Variants in ARK2C observed in about 807,000 individuals in gnomAD.
ARK2C encodes the protein arkadia (RNF111) C-terminal like ring finger ubiquitin ligase 2C.
the ARK2C span, among the ~76,000 whole-genome samples, chr18:46,427,412 G>C: frequency 6.6e-6 from 1 of 152,304 alleles, no homozygotes; most frequent in South Asian, 2.1e-4. Context: ...AGGCCCCTTG[G>C]ACAGAGTGGG....
chr18:46,452,068 C>T, the ARK2C span, among the ~76,000 whole-genome samples: 12 of 152,144 alleles, frequency 7.9e-5, no homozygotes, highest in East Asian at 3.9e-4. Context: ...CATACTCTAA[C>T]GGTGGATACA....
the ARK2C span, among the ~76,000 whole-genome samples, chr18:46,365,501 T>G: frequency 6.6e-6 from 1 of 152,170 alleles, no homozygotes; most frequent in African/African-American, 2.4e-5. Context: ...ATCTTGAATT[T>G]TTTTTTGTTG....
At chr18:46,463,095 G>A in the ARK2C span, 1 of 152,196 alleles carries the variant, frequency 6.6e-6, no homozygotes, top group Non-Finnish European at 1.5e-5. Flanking sequence ...TGGATTTTTT[G>A]TACTTTATTT....
At chr18:46,438,893 AT>A in the ARK2C span, among the ~76,000 whole-genome samples, 6 of 152,214 alleles carry the variant, frequency 3.9e-5, no homozygotes, top group Non-Finnish European at 5.9e-5. Context: ...CAACATTACC[AT>A]GAGGAGCTAC....
the ARK2C span, among the ~76,000 whole-genome samples, chr18:46,344,626 A>G: frequency 6.6e-6 from 1 of 152,292 alleles, no homozygotes; most frequent in East Asian, 1.9e-4. Flanking sequence ...CGGCATCCAC[A>G]GTGGGCTCAT....
chr18:46,384,170 C>T, the ARK2C span, among the ~76,000 whole-genome samples: 1 of 152,212 alleles, frequency 6.6e-6, no homozygotes, highest in Non-Finnish European at 1.5e-5. Context: ...CTGCCCCGGC[C>T]GTGCTTCCAG....
chr18:46,340,587 G>A, the ARK2C span, among the ~76,000 whole-genome samples: 21 of 152,320 alleles, frequency 1.4e-4, no homozygotes, highest in East Asian at 3.9e-3. Flanking sequence ...ATGGCAGAAC[G>A]TCCTGACTGC....
the ARK2C span, among the ~76,000 whole-genome samples, chr18:46,393,029 G>T: frequency 2.0e-5 from 3 of 152,146 alleles, no homozygotes; most frequent in Non-Finnish European, 2.9e-5. Flanking sequence ...ACCCAGAAGG[G>T]CCTGGGGACT....
the ARK2C span, among the ~76,000 whole-genome samples, chr18:46,454,110 CAAAAAAAAAAAAAA>C: frequency 0.012 from 201 of 16,636 alleles, 3 homozygotes; most frequent in African/African-American, 0.031. Context: ...AAGGCCGTCT[CAAAAAAAAAAAAAA>C]AAAAAAAAAA....
the ARK2C span, among the ~76,000 whole-genome samples, chr18:46,430,150 G>A: frequency 6.6e-6 from 1 of 152,080 alleles, no homozygotes; most frequent in East Asian, 1.9e-4. Flanking sequence ...GTGTTGAGAA[G>A]GTTAATTTTT....
the ARK2C span, among the ~76,000 whole-genome samples, chr18:46,355,462 G>C: frequency 1.3e-5 from 2 of 152,166 alleles, no homozygotes; most frequent in Non-Finnish European, 2.9e-5. Flanking sequence ...GATCCTTGCT[G>C]TCTGAAAGCC....
At chr18:46,360,038 C>T in the ARK2C span, among the ~76,000 whole-genome samples, 2 of 152,186 alleles carry the variant, frequency 1.3e-5, no homozygotes, top group Admixed American at 6.5e-5. Flanking sequence ...AAGGTCTCTA[C>T]CATAGTCATC....
the ARK2C span, among the ~76,000 whole-genome samples, chr18:46,366,866 C>T: frequency 3.9e-5 from 6 of 152,176 alleles, 1 homozygote; most frequent in South Asian, 1.0e-3. Flanking sequence ...CCACAGCAAA[C>T]AAAACAGTCT....
chr18:46,355,156 T>C, the ARK2C span, among the ~76,000 whole-genome samples: 1 of 152,134 alleles, frequency 6.6e-6, no homozygotes, highest in African/African-American at 2.4e-5. Flanking sequence ...TTTCACCATG[T>C]TGGCCAGGTT....
the ARK2C span, among the ~76,000 whole-genome samples, chr18:46,415,477 G>A: frequency 6.6e-6 from 1 of 151,970 alleles, no homozygotes; most frequent in Non-Finnish European, 1.5e-5. Context: ...AGTGAGCCGA[G>A]ATCGTGCCAC....
chr18:46,370,239 G>T, the ARK2C span, among the ~76,000 whole-genome samples: 1 of 152,186 alleles, frequency 6.6e-6, no homozygotes, highest in Admixed American at 6.5e-5. Flanking sequence ...ATATCCTTAC[G>T]ATCATCTCTA....
the ARK2C span, among the ~76,000 whole-genome samples, chr18:46,409,519 AG>A: frequency 2.0e-5 from 3 of 152,186 alleles, no homozygotes; most frequent in African/African-American, 7.2e-5. Flanking sequence ...TCTGACTCTG[AG>A]CTGCTGAGTA....
the ARK2C span, among the ~76,000 whole-genome samples, chr18:46,409,842 T>G: frequency 6.6e-6 from 1 of 152,238 alleles, no homozygotes; most frequent in African/African-American, 2.4e-5. Context: ...CAATAATGCA[T>G]GTTCTCCTAT....
chr18:46,390,149 A>G, the ARK2C span, among the ~76,000 whole-genome samples: 1 of 152,126 alleles, frequency 6.6e-6, no homozygotes, highest in Admixed American at 6.5e-5. Context: ...TCCCCACCCC[A>G]ACCCCTGTGG....
Sources: gnomAD v4.1 joint callset for allele counts (sites outside exome capture counted in the v4.1 genomes callset) on GRCh38, gnomAD v4.1.1 for gene constraint, MANE v1.5 for transcripts, NCBI Gene and HGNC (gene_info 2026-07-23, HGNC 2026-07-21) for gene names.